The following CCDC178 variants were observed in gnomAD, a reference collection of about 807,000 sequenced individuals.
CCDC178 encodes coiled-coil domain-containing protein 178.
In CCDC178, 126 loss-of-function variants were observed where a neutral mutation model predicts 117.4. The observed-to-expected ratio is 1.07, with a 90% CI of 0.93 to 1.24. The LOEUF (loss-of-function observed/expected upper bound fraction) is 1.24, where lower values mean the gene tolerates loss of function less well. CCDC178 is among the 50% of genes most tolerant of loss of function. The pLI, the probability that CCDC178 is intolerant of heterozygous loss-of-function variation, is 0.00. For synonymous variants in CCDC178, 283 were observed against 313.4 expected, an observed-to-expected ratio of 0.90 and a Z score of 1.02; for missense variants, 1,030 against 986.9, an observed-to-expected ratio of 1.04 and a Z score of -0.59.
chr18:33,378,902 T>C (rs1358103851), intron 5 of CCDC178, among the ~76,000 whole-genome samples: 2 of 151,814 alleles, frequency 1.3e-5, no homozygotes, highest in African/African-American at 2.4e-5. Flanking sequence ...GTTTTCTTTT[T>C]TCATTGTGTC....
chr18:33,292,785 A>G (rs905223361), intron 12 of CCDC178, among the ~76,000 whole-genome samples: 7 of 152,162 alleles, frequency 4.6e-5, no homozygotes, highest in African/African-American at 1.7e-4. Flanking sequence ...CAATAATTGT[A>G]CATTTTATAG....
intron 20 of CCDC178, among the ~76,000 whole-genome samples, chr18:33,101,215 A>C (rs1344878885): frequency 1.3e-5 from 2 of 151,402 alleles, no homozygotes; most frequent in African/African-American, 2.4e-5. Flanking sequence ...ATTCCTATGC[A>C]TTATAATCAT....
At chr18:33,194,986 G>A (rs2058911599) in intron 20 of CCDC178, among the ~76,000 whole-genome samples, 1 of 143,288 alleles carries the variant, frequency 7.0e-6, no homozygotes, top group South Asian at 2.3e-4. Flanking sequence ...AGGTGCAGTG[G>A]TATGCACCTG....
Position 33,243,665 on chromosome 18 carries a change from AAAAT to A in CCDC178, c.1593+1576_1593+1579del, listed in dbSNP as rs137888163. On this transcript the variant is annotated intron_variant, in intron 15 of 22. Coordinates refer to ENST00000383096, the MANE Select transcript of CCDC178 (RefSeq NM_001105528.4). ...TTTTATGGTATCAAAAAAATTTAGA[AAAAT>A]AAATAATCCAGTGCAACATCTCTTT... Among the ~76,000 whole-genome samples the A allele has an allele frequency of 3.6e-3, 555 of 152,060 alleles. 4 individuals are homozygous for A. Among genetic ancestry groups the A allele is most frequent in the Non-Finnish European group, 6.1e-3 (412 of 67,900 alleles).
chr18:33,380,909 G>C (rs1038946554), intron 5 of CCDC178, among the ~76,000 whole-genome samples: 1 of 152,158 alleles, frequency 6.6e-6, no homozygotes, highest in African/African-American at 2.4e-5. Flanking sequence ...TAGTCTTAAA[G>C]GGACCAACTT....
chr18:33,066,935 G>C (rs549466379), intron 21 of CCDC178, among the ~76,000 whole-genome samples: 3 of 152,080 alleles, frequency 2.0e-5, no homozygotes, highest in South Asian at 4.2e-4. Flanking sequence ...TCTTAATATT[G>C]GAAAAATCAT....
chr18:33,389,455 A>G (rs1247661525), intron 5 of CCDC178, 85 bp downstream of exon 5: 1 of 523,302 alleles, frequency 1.9e-6, no homozygotes, highest in Non-Finnish European at 3.1e-6. Context: ...ATTTCAAAAT[A>G]GAAATAGTAT....
rs151006320 is a variant in CCDC178 at position 33,264,814 on chromosome 18, T to C, written c.1409+2102A>G. Among the ~76,000 whole-genome samples the C allele has an allele frequency of 4.6e-5, 7 of 152,260 alleles. No homozygotes were observed. In the East Asian group the frequency reaches 1.4e-3, roughly 29 times the overall value. On this transcript the variant is annotated intron_variant, in intron 14 of 22. Coordinates refer to ENST00000383096, the MANE Select transcript of CCDC178 (RefSeq NM_001105528.4). ...GGAAGCTACAAGAGCCATTGAGTGA[T>C]CTCACTAATGTACTTTTCCCTCTAT...
intron 15 of CCDC178, among the ~76,000 whole-genome samples, chr18:33,230,630 ATCTT>A (rs2059358420): frequency 6.6e-6 from 1 of 152,162 alleles, no homozygotes; most frequent in Non-Finnish European, 1.5e-5. Flanking sequence ...TTTAAAAAAA[ATCTT>A]TATATGAGGA....
At chr18:33,062,253 T>C (rs1377663595) in intron 21 of CCDC178, among the ~76,000 whole-genome samples, 2 of 152,200 alleles carry the variant, frequency 1.3e-5, no homozygotes, top group African/African-American at 2.4e-5. Flanking sequence ...GCATTAGCTA[T>C]GTTAAGGTAC....
intron 2 of CCDC178, among the ~76,000 whole-genome samples, chr18:33,417,041 G>C (rs2063951878): frequency 6.6e-6 from 1 of 152,172 alleles, no homozygotes; most frequent in Non-Finnish European, 1.5e-5. Context: ...AAAATACTTT[G>C]GCAGTTCCTT....
In CCDC178 at chr18:33,226,923, A is replaced by C. The variant is rs1296503842; in HGVS notation, c.1594-68T>G. 5 of 746,270 alleles carry C rather than the reference A, an allele frequency of 6.7e-6. No individual in the cohort carries two copies. The East Asian group carries it at 1.4e-4, about 21-fold the overall frequency. 46.2% of individuals were successfully genotyped at this position (746,270 alleles called of 1,614,324 possible). ...AACATCAAAAACATTTTTTAAAACA[A>C]TTGCTAATATAAGACACATTTTTAA... On this transcript the variant is annotated intron_variant, in intron 15 of 22. Transcript: ENST00000383096.
chr18:33,286,530 C>T (rs988445474), intron 12 of CCDC178, among the ~76,000 whole-genome samples: 18 of 152,040 alleles, frequency 1.2e-4, no homozygotes, highest in Non-Finnish European at 1.8e-4. Context: ...TGAAAATTTT[C>T]GAGGCAAATG....
chr18:33,119,801 A>C (rs1228360518), intron 20 of CCDC178, among the ~76,000 whole-genome samples: 3 of 152,214 alleles, frequency 2.0e-5, no homozygotes, highest in Non-Finnish European at 4.4e-5. Context: ...TCCATCAATG[A>C]TAGACTGGAT....
intron 6 of CCDC178, among the ~76,000 whole-genome samples, chr18:33,369,446 T>C (rs1270766883): frequency 6.6e-6 from 1 of 152,008 alleles, no homozygotes; most frequent in Non-Finnish European, 1.5e-5. Context: ...ATCTCCCATT[T>C]GAGCAGTCTA....
At chr18:33,021,468 C>T (rs187302048) in intron 21 of CCDC178, among the ~76,000 whole-genome samples, 252 of 152,214 alleles carry the variant, frequency 1.7e-3, no homozygotes, top group Non-Finnish European at 2.8e-3. Context: ...GAGGCCGAGG[C>T]GGTTGGATCA....
intron 22 of CCDC178, among the ~76,000 whole-genome samples, chr18:32,943,095 A>C (rs1040089425): frequency 6.6e-6 from 1 of 152,192 alleles, no homozygotes; most frequent in East Asian, 1.9e-4. Flanking sequence ...AGAATCATGA[A>C]GCTGAATGAT....
rs552360916 is a variant in CCDC178 at position 33,388,559 on chromosome 18, G to A, written c.208+981C>T. Among the ~76,000 whole-genome samples the A allele has an allele frequency of 2.4e-4, 18 of 75,202 alleles. 1 individual carries two copies. Among genetic ancestry groups the A allele is most frequent in the South Asian group, 1.2e-3 (2 of 1,642 alleles). 49.3% of individuals were successfully genotyped at this position (75,202 alleles called of 152,430 possible). On this transcript the variant is annotated intron_variant, in intron 5 of 22. Coordinates refer to ENST00000383096, the MANE Select transcript of CCDC178 (RefSeq NM_001105528.4). ...TTTTGAGACGGAGTCTCGCTCTGTC[G>A]CCCAGGCTGGAGTGCAGTGGCGGGA...
intron 12 of CCDC178, among the ~76,000 whole-genome samples, chr18:33,268,874 G>C (rs896606722): frequency 6.6e-6 from 1 of 151,720 alleles, no homozygotes; most frequent in East Asian, 1.9e-4. Context: ...ACAATCTAGG[G>C]AGCACTGATT....
Sources: gnomAD v4.1 joint callset for allele counts (sites outside exome capture counted in the v4.1 genomes callset) on GRCh38, gnomAD v4.1.1 for gene constraint, MANE v1.5 for transcripts, NCBI Gene and HGNC (gene_info 2026-07-23, HGNC 2026-07-21) for gene names.